Variants in PCDHA2 observed in about 807,000 individuals in gnomAD.
PCDHA2 encodes the protein protocadherin alpha-2.
Under a neutral mutation model 66.0 loss-of-function variants are expected in PCDHA2, and 58 were observed. The observed-to-expected ratio is 0.88, with a 90% CI of 0.71 to 1.09. PCDHA2 has a LOEUF of 1.09. Among genes scored for constraint, PCDHA2 ranks in the 50% least tolerant of loss-of-function variants. PCDHA2 has a pLI of 0.00. For synonymous variants in PCDHA2, 634 were observed against 554.0 expected (o/e 1.14, Z -2.03); for missense variants, 1,267 against 1,242.3 (o/e 1.02, Z -0.30).
intron 1 of PCDHA2, among the ~76,000 whole-genome samples, chr5:140,931,278 T>G (rs1488323710): frequency 1.3e-5 from 2 of 152,174 alleles, no homozygotes; most frequent in Non-Finnish European, 2.9e-5. Context: ...TCTTTTATTT[T>G]CATTGCTTTC....
chr5:140,861,804 T>C (rs36095340), intron 1 of PCDHA2: 19,400 of 158,354 alleles, frequency 0.12, 1,289 homozygotes, highest in Middle Eastern at 0.19. Flanking sequence ...AGGTGTATTT[T>C]AAAAATTCTT....
In PCDHA2 at chr5:140,833,167, C is replaced by T. The variant is rs2150206724; in HGVS notation, c.2388+35815C>T. 5.9e-5 allele frequency among the ~76,000 whole-genome samples: 9 copies of T among 152,184 alleles called. 1 individual carries two copies. The East Asian group carries it at 9.6e-4, about 16-fold the overall frequency. Reference sequence around the variant, plus strand: ...AAGCAATACGAATAAAAAGTATTAACGGAAGATGACTGCAAGGATTAAATG... The same window carrying T: ...AAGCAATACGAATAAAAAGTATTAATGGAAGATGACTGCAAGGATTAAATG... On this transcript the variant is annotated intron_variant, in intron 1 of 3. Transcript: ENST00000526136.
chr5:140,941,828 A>T (rs2093176954), intron 1 of PCDHA2, among the ~76,000 whole-genome samples: 1 of 152,218 alleles, frequency 6.6e-6, no homozygotes, highest in Non-Finnish European at 1.5e-5. Flanking sequence ...TGCTGTAAAT[A>T]ATTTAGGCTG....
intron 1 of PCDHA2, chr5:140,822,381 A>G: frequency 6.2e-7 from 1 of 1,614,174 alleles, no homozygotes; most frequent in Non-Finnish European, 8.5e-7. Flanking sequence ...TAGATAGAGA[A>G]GAAACACAAG....
chr5:140,985,060 C>T (rs1377386395), intron 3 of PCDHA2, among the ~76,000 whole-genome samples: 2 of 152,066 alleles, frequency 1.3e-5, no homozygotes, highest in Admixed American at 6.5e-5. Flanking sequence ...GCCTCAGCCT[C>T]CTGAGTAGCT....
chr5:140,834,477 C>T lies in PCDHA2; in HGVS notation c.2388+37125C>T, dbSNP rs1554134251. Reference sequence around the variant, plus strand: ...TTGGGAGGCAGGGAGAGGCCAGCTCCACTACTCGGTCCCCGAGGAGGCTAA... The same window carrying T: ...TTGGGAGGCAGGGAGAGGCCAGCTCTACTACTCGGTCCCCGAGGAGGCTAA... On this transcript the variant is annotated intron_variant, in intron 1 of 3. Coordinates refer to ENST00000526136, the MANE Select transcript of PCDHA2 (RefSeq NM_018905.3). 3.7e-6 allele frequency: 6 copies of T among 1,614,174 alleles called. No individual in the cohort carries two copies. Among genetic ancestry groups the T allele is most frequent in the South Asian group, 2.2e-5 (2 of 91,082 alleles).
intron 1 of PCDHA2, chr5:140,848,665 C>A (rs1428126460): frequency 4.4e-6 from 7 of 1,592,108 alleles, no homozygotes; most frequent in Non-Finnish European, 5.2e-6. Flanking sequence ...CTGGAGCTGG[C>A]GGAGCTGGTG....
At chr5:140,829,784 C>T (rs2150174658) in intron 1 of PCDHA2, 2 of 1,613,724 alleles carry the variant, frequency 1.2e-6, no homozygotes, top group Non-Finnish European at 1.7e-6. Context: ...CGCGCCGGCG[C>T]TGCTGGCGCC....
rs1169646324 is a variant in PCDHA2 at position 141,011,134 on chromosome 5, ATACACAACCT to A, written c.*1199_*1208del. The A allele has an allele frequency of 6.5e-6, 1 of 153,688 alleles. No homozygotes were observed. Among genetic ancestry groups the A allele is most frequent in the East Asian group, 1.9e-4 (1 of 5,194 alleles). The allele number at this position is 153,688 out of a possible 1,614,324, so 9.5% of individuals were successfully genotyped here. ...CTAAGAAACAATTATGTGCACTTTG[ATACACAACCT>A]TCTCTAACCAACTATATATCAAGAC... On this transcript the variant is annotated 3_prime_UTR_variant, in exon 4 of 4. Transcript: ENST00000526136.
In PCDHA2 at chr5:140,841,532, C is replaced by A. The variant is rs2150317529; in HGVS notation, c.2388+44180C>A. 22 of 1,613,576 alleles carry A rather than the reference C, an allele frequency of 1.4e-5. No individual in the cohort carries two copies. In the South Asian group the frequency reaches 2.3e-4, roughly 17 times the overall value. ...CCTGTTCCGGGTGGCGTCCAAAAGA[C>A]ACCGGGACCTTCTGGAGGTAAGTCT... On this transcript the variant is annotated intron_variant, in intron 1 of 3. Coordinates refer to ENST00000526136, the MANE Select transcript of PCDHA2 (RefSeq NM_018905.3).
intron 1 of PCDHA2, chr5:140,828,515 A>C: frequency 1.2e-6 from 2 of 1,614,156 alleles, no homozygotes; most frequent in Non-Finnish European, 1.7e-6. Flanking sequence ...AAGAGTGCTG[A>C]TTTACGAATC....
At chr5:141,005,437 C>T (rs1469007749) in intron 3 of PCDHA2, among the ~76,000 whole-genome samples, 4 of 152,092 alleles carry the variant, frequency 2.6e-5, no homozygotes, top group African/African-American at 7.2e-5. Context: ...GGATGAGAGG[C>T]TCACGCCTGT....
chr5:140,822,270 A>C (rs2150115049), intron 1 of PCDHA2: 1 of 1,614,138 alleles, frequency 6.2e-7, no homozygotes, highest in Non-Finnish European at 8.5e-7. Flanking sequence ...GAGCAAATGC[A>C]CAATTGAGAT....
At chr5:140,983,642 G>A (rs954814692) in intron 3 of PCDHA2, among the ~76,000 whole-genome samples, 3 of 152,174 alleles carry the variant, frequency 2.0e-5, no homozygotes, top group African/African-American at 7.2e-5. Flanking sequence ...CCAAGTTCAC[G>A]TAGCTTGTAA....
chr5:140,983,329 A>G (rs1359569826), intron 3 of PCDHA2, among the ~76,000 whole-genome samples: 8 of 152,228 alleles, frequency 5.3e-5, no homozygotes, highest in Admixed American at 6.5e-5. Flanking sequence ...TTCTTGCCCT[A>G]TCACTAAAGC....
chr5:141,011,745 A>G lies in PCDHA2; in HGVS notation c.*1808A>G, dbSNP rs1378591918. 3 of 153,762 alleles carry G rather than the reference A, an allele frequency of 2.0e-5. No individual in the cohort carries two copies. The highest frequency in any genetic ancestry group is 1.9e-4 in the East Asian group (1 of 5,196). 9.5% of individuals were successfully genotyped at this position (153,762 alleles called of 1,614,324 possible). ...GGGTGTGCAAGCACAAATTTTACCA[A>G]TCTGACCTCTTTGAAGTTGCAGAAT... On this transcript the variant is annotated 3_prime_UTR_variant, in exon 4 of 4. Coordinates refer to ENST00000526136, the MANE Select transcript of PCDHA2 (RefSeq NM_018905.3).
At chr5:140,863,090 C>G (rs782806970) in intron 1 of PCDHA2, 1 of 575,070 alleles carries the variant, frequency 1.7e-6, no homozygotes, top group African/African-American at 1.9e-5. Flanking sequence ...GAGATCAGCA[C>G]GACGAGTACC....
At chr5:140,837,699 G>A (rs1405347707) in intron 1 of PCDHA2, among the ~76,000 whole-genome samples, 3 of 146,052 alleles carry the variant, frequency 2.1e-5, no homozygotes, top group Non-Finnish European at 4.5e-5. Flanking sequence ...TTCAAGACAC[G>A]CTCTCACTCC....
intron 3 of PCDHA2, among the ~76,000 whole-genome samples, chr5:140,989,275 G>A (rs2097335515): frequency 6.6e-6 from 1 of 152,096 alleles, no homozygotes; most frequent in African/African-American, 2.4e-5. Context: ...TTTCTGCTGG[G>A]GACATCTCAG....
Sources: gnomAD v4.1 joint callset for allele counts (sites outside exome capture counted in the v4.1 genomes callset) on GRCh38, gnomAD v4.1.1 for gene constraint, MANE v1.5 for transcripts, NCBI Gene and HGNC (gene_info 2026-07-23, HGNC 2026-07-21) for gene names.